TMEM97: variants seen among roughly 807,000 people sequenced by gnomAD.
TMEM97 encodes transmembrane protein 97.
A neutral mutation model predicts 18.3 loss-of-function variants in TMEM97; 13 were observed. The observed-to-expected ratio is 0.71, with a 90% CI of 0.46 to 1.13. The LOEUF (loss-of-function observed/expected upper bound fraction) is 1.13, where lower values mean the gene tolerates loss of function less well. Ranked by LOEUF, TMEM97 falls within the 50% of genes most tolerant of loss-of-function variation. The probability of loss-of-function intolerance (pLI) is 0.00; values close to 1 mark genes in which losing one functional copy is unlikely to be tolerated. For synonymous variants in TMEM97, 76 were observed against 85.3 expected (o/e 0.89, Z 0.60); for missense variants, 205 against 210.5 (o/e 0.97, Z 0.16).
chr17:28,322,014 A>G (rs1255682347), intron 1 of TMEM97, among the ~76,000 whole-genome samples: 4 of 152,112 alleles, frequency 2.6e-5, no homozygotes, highest in African/African-American at 7.2e-5. Context: ...TATGGGGCAA[A>G]TAATAATAAA....
chr17:28,319,486 A>G (rs2142153155), intron 1 of TMEM97, 121 bp downstream of exon 1: 1 of 1,235,912 alleles, frequency 8.1e-7, no homozygotes, highest in African/African-American at 1.6e-5. Flanking sequence ...GGTCCTGCCC[A>G]TGCCTCCCCC....
chr17:28,322,452 C>T (rs1215194973), intron 1 of TMEM97, among the ~76,000 whole-genome samples: 3 of 151,992 alleles, frequency 2.0e-5, no homozygotes, highest in Non-Finnish European at 4.4e-5. Flanking sequence ...CCATGTTGGC[C>T]AGGCTGGTCT....
At chr17:28,323,227 T>C (rs1273630255) in intron 1 of TMEM97, among the ~76,000 whole-genome samples, 1 of 152,170 alleles carries the variant, frequency 6.6e-6, no homozygotes, top group Non-Finnish European at 1.5e-5. Flanking sequence ...TATATGACTG[T>C]GGGCAGATGG....
At chr17:28,326,292 T>C (rs1555575437) in intron 2 of TMEM97, among the ~76,000 whole-genome samples, 1 of 152,208 alleles carries the variant, frequency 6.6e-6, no homozygotes, top group Non-Finnish European at 1.5e-5. Flanking sequence ...GGCAGTTTTA[T>C]TGCCCTAGAG....
intron 1 of TMEM97, among the ~76,000 whole-genome samples, chr17:28,322,118 T>TA (rs1429522875): frequency 8.5e-5 from 13 of 152,260 alleles, no homozygotes; most frequent in Admixed American, 6.5e-4. Flanking sequence ...TCCCTAGAGT[T>TA]AAAAAACCTG....
intron 1 of TMEM97, among the ~76,000 whole-genome samples, chr17:28,320,206 CT>C (rs1906090193): frequency 6.6e-6 from 1 of 152,114 alleles, no homozygotes; most frequent in Non-Finnish European, 1.5e-5. Flanking sequence ...TATTTTGCGT[CT>C]GTTTTTCCTT....
intron 1 of TMEM97, among the ~76,000 whole-genome samples, chr17:28,320,242 G>C (rs1597776813): frequency 6.6e-6 from 1 of 152,024 alleles, no homozygotes; most frequent in South Asian, 2.1e-4. Flanking sequence ...TGCCGAGGAG[G>C]GGTTCTTTAC....
intron 1 of TMEM97, among the ~76,000 whole-genome samples, chr17:28,322,402 G>A (rs190242824): frequency 3.6e-4 from 54 of 151,998 alleles, no homozygotes; most frequent in Admixed American, 2.5e-3. Context: ...TTGCCACAAC[G>A]CCTGGCTAAT....
rs1555575366 is a variant in TMEM97 at position 28,325,566 on chromosome 17, G to T, written c.190G>T (p.Ala64Ser). 5.0e-6 allele frequency: 8 copies of T among 1,614,210 alleles called. No individual in the cohort carries two copies. The highest frequency in any genetic ancestry group is 6.8e-6 in the Non-Finnish European group (8 of 1,180,044). Residue 64 changes from alanine (A) to serine (S), a missense_variant, in exon 2 of 3, where the codon GCC becomes TCC. Physicochemically the swap from Ala to Ser is moderately conservative, Grantham distance 99. Transcript: ENST00000226230. ...FKDPLLQEPP[A>S]WFKSFLFCEL... ...AGACCCACTGCTACAGGAGCCCCCA[G>T]CCTGGTTTAAGTCCTTTCTGTTTTG...
chr17:28,326,648 T>G lies in TMEM97; in HGVS notation c.386T>G (p.Phe129Cys). ...GAGGATTTCTCCAAAGCCAGTGGTTTCAAGGGACAAAGACCTGAGACTTTG... is the reference window on the plus strand; with the variant it reads ...GAGGATTTCTCCAAAGCCAGTGGTTGCAAGGGACAAAGACCTGAGACTTTG... ...LFEDFSKASG[F>C]KGQRPETLHE... Residue 129 changes from phenylalanine (F) to cysteine (C), a missense_variant, in exon 3 of 3, where the codon TTC (phenylalanine) becomes TGC (cysteine). By Grantham distance (205) the Phe-to-Cys change is radical. Coordinates refer to ENST00000226230, the MANE Select transcript of TMEM97 (RefSeq NM_014573.3). The G allele has an allele frequency of 6.2e-7, 1 of 1,614,198 alleles. No individual in the cohort carries two copies. The highest frequency in any genetic ancestry group is 8.5e-7 in the Non-Finnish European group (1 of 1,180,034).
At chr17:28,321,556 C>T (rs1906141054) in intron 1 of TMEM97, among the ~76,000 whole-genome samples, 1 of 152,158 alleles carries the variant, frequency 6.6e-6, no homozygotes, top group Non-Finnish European at 1.5e-5. Context: ...CCACCTGTCT[C>T]CTGAGTAGCT....
chr17:28,326,210 GAACA>G (rs1906326414), intron 2 of TMEM97, among the ~76,000 whole-genome samples: 1 of 152,140 alleles, frequency 6.6e-6, no homozygotes, highest in Admixed American at 6.5e-5. Context: ...TATAATTACT[GAACA>G]AACAGATGCC....
chr17:28,325,591 G>C lies in TMEM97; in HGVS notation c.215G>C (p.Cys72Ser). 1 of 1,614,184 alleles carries C rather than the reference G, an allele frequency of 6.2e-7. No homozygotes were observed. The highest frequency in any genetic ancestry group is 8.5e-7 in the Non-Finnish European group (1 of 1,180,022). ...GCCTGGTTTAAGTCCTTTCTGTTTTGCGAGCTTGTGTTTCAGCTGCCTTTC... is the reference window on the plus strand; with the variant it reads ...GCCTGGTTTAAGTCCTTTCTGTTTTCCGAGCTTGTGTTTCAGCTGCCTTTC... ...PPAWFKSFLF[C>S]ELVFQLPFFP... Residue 72 changes from cysteine to serine, a missense_variant, in exon 2 of 3, where the codon TGC becomes TCC. Transcript: ENST00000226230.
rs1405020387 is a variant in TMEM97 at position 28,327,709 on chromosome 17, CAAT to C, written c.*917_*919del. 21 of 152,250 alleles carry C rather than the reference CAAT, an allele frequency of 1.4e-4. No individual in the cohort carries two copies. The highest frequency in any genetic ancestry group is 4.6e-4 in the African/African-American group (19 of 41,474). The allele number at this position is 152,250 out of a possible 1,614,324, so 9.4% of individuals were successfully genotyped here. A position where few individuals can be genotyped will look rare whatever the true frequency, so the allele number is the denominator to read the frequency against. ...AAGTTTTCCTTAAGGGTCAGCCCAA[CAAT>C]GACTTTCAGTCAAATGGATTAAACT... On this transcript the variant is annotated 3_prime_UTR_variant, in exon 3 of 3. Transcript: ENST00000226230.
At chr17:28,321,573 A>G (rs891840865) in intron 1 of TMEM97, among the ~76,000 whole-genome samples, 1 of 152,104 alleles carries the variant, frequency 6.6e-6, no homozygotes, top group Non-Finnish European at 1.5e-5. Flanking sequence ...AGCTAGGACT[A>G]TAGGTGCACA....
At position 28,327,769 on chromosome 17, in the gene TMEM97, T is replaced by C. The variant is rs1468613967; in HGVS notation, c.*976T>C. 2 of 152,260 alleles carry C rather than the reference T, an allele frequency of 1.3e-5. No individual in the cohort carries two copies. The highest frequency in any genetic ancestry group is 2.9e-5 in the Non-Finnish European group (2 of 68,052). 9.4% of individuals were successfully genotyped at this position (152,260 alleles called of 1,614,324 possible). Reference sequence around the variant, plus strand: ...TGTTTTTGTTTCTGTTGTAAACAGATCATCCTAGGCGAAAGTTTTTTTTGT... The same window carrying C: ...TGTTTTTGTTTCTGTTGTAAACAGACCATCCTAGGCGAAAGTTTTTTTTGT... On this transcript the variant is annotated 3_prime_UTR_variant, in exon 3 of 3. Coordinates refer to ENST00000226230, the MANE Select transcript of TMEM97 (RefSeq NM_014573.3).
Position 28,326,906 on chromosome 17 carries a change from C to G in TMEM97, c.*113C>G. ...TCTTCAGCAGCATTTGAAACACTGGCAGCAATGCACAAGAGCAAGATGGTG... is the reference window on the plus strand; with the variant it reads ...TCTTCAGCAGCATTTGAAACACTGGGAGCAATGCACAAGAGCAAGATGGTG... On this transcript the variant is annotated 3_prime_UTR_variant, in exon 3 of 3. Coordinates refer to ENST00000226230, the MANE Select transcript of TMEM97 (RefSeq NM_014573.3). 1 of 1,253,466 alleles carries G rather than the reference C, an allele frequency of 8.0e-7. No individual in the cohort carries two copies. Among genetic ancestry groups the G allele is most frequent in the South Asian group, 1.5e-5 (1 of 68,260 alleles). The allele number at this position is 1,253,466 out of a possible 1,614,324, so 77.6% of individuals were successfully genotyped here.
chr17:28,319,386 C>G, intron 1 of TMEM97, 21 bp downstream of exon 1: 2 of 1,493,052 alleles, frequency 1.3e-6, no homozygotes, highest in African/African-American at 2.0e-5. Context: ...CCCCTCTTAT[C>G]CCGGCCCGCT....
Position 28,325,863 on chromosome 17 carries a change from G to A in TMEM97, c.271+216G>A, listed in dbSNP as rs571849866. The A allele has an allele frequency of 2.3e-4, 139 of 606,622 alleles. 2 individuals are homozygous for A. The highest frequency in any genetic ancestry group is 1.9e-3 in the South Asian group (85 of 45,806). The allele number at this position is 606,622 out of a possible 1,614,324, so 37.6% of individuals were successfully genotyped here. On this transcript the variant is annotated intron_variant, in intron 2 of 2. Transcript: ENST00000226230. ...GCAGGCCTGCACGGCTGCCTCAGTC[G>A]TCTGGAAATCCCTTGCATACACATG...
Sources: allele counts gnomAD v4.1 joint callset (sites outside exome capture counted in the v4.1 genomes callset), GRCh38; gene constraint gnomAD v4.1.1; transcripts MANE v1.5; gene names NCBI Gene and HGNC (gene_info 2026-07-23, HGNC 2026-07-21).